ADAMTSL1: variants seen among roughly 807,000 people sequenced by gnomAD.
The protein encoded by ADAMTSL1 is ADAMTS like 1.
In ADAMTSL1, 126 loss-of-function variants were observed where a neutral mutation model predicts 201.8. That is an observed-to-expected ratio of 0.62 (90% CI 0.54 to 0.72). The LOEUF (loss-of-function observed/expected upper bound fraction) is 0.72. Among genes scored for constraint, ADAMTSL1 ranks in the 30% least tolerant of loss-of-function variants. The pLI, the probability that ADAMTSL1 is intolerant of heterozygous loss-of-function variation, is 0.00. For synonymous variants in ADAMTSL1, 1,121 were observed against 903.4 expected, an observed-to-expected ratio of 1.24 and a Z score of -4.32; for missense variants, 2,679 against 2,277.8, an observed-to-expected ratio of 1.18 and a Z score of -3.59.
intron 28 of ADAMTSL1, chr9:18,908,200 G>T: frequency 1.9e-6 from 1 of 538,996 alleles, no homozygotes. Context: ...AGACAGCCCA[G>T]GGAGGGGCCC....
At chr9:18,022,808 C>T (rs1308609486) in intron 1 of ADAMTSL1, among the ~76,000 whole-genome samples, 1 of 152,142 alleles carries the variant, frequency 6.6e-6, no homozygotes, top group African/African-American at 2.4e-5. Context: ...TTACTATTTA[C>T]TCTGAAAATA....
intron 2 of ADAMTSL1, among the ~76,000 whole-genome samples, chr9:18,518,069 C>T (rs1004988232): frequency 6.6e-6 from 1 of 152,128 alleles, no homozygotes; most frequent in Non-Finnish European, 1.5e-5. Flanking sequence ...TAACAGTACA[C>T]CAAGCATGTT....
At position 18,657,713 on chromosome 9, in the gene ADAMTSL1, G is replaced by T. The variant is rs1352340210; in HGVS notation, c.909G>T (p.Glu303Asp). 1 of 1,614,198 alleles carries T rather than the reference G, an allele frequency of 6.2e-7. No individual in the cohort carries two copies. The highest frequency in any genetic ancestry group is 8.5e-7 in the Non-Finnish European group (1 of 1,180,020). The change falls in exon 8 of 29, where the codon GAG (glutamate) becomes GAT (aspartate). Residue 303 changes from glutamate (E) to aspartate (D), a missense_variant. Coordinates refer to ENST00000380548, the MANE Select transcript of ADAMTSL1 (RefSeq NM_001040272.6). ...FYQPIIHRWRETDFFPCSATC... is the reference protein window; with the variant it reads ...FYQPIIHRWRDTDFFPCSATC... The stretch of plus-strand genomic sequence containing the variant: ...AACCCATCATCCACCGATGGAGGGA[G>T]ACGGATTTCTTTCCTTGCTCAGCAA...
At chr9:18,452,390 A>T (rs1208731327) in intron 2 of ADAMTSL1, among the ~76,000 whole-genome samples, 2 of 152,202 alleles carry the variant, frequency 1.3e-5, no homozygotes, top group Non-Finnish European at 2.9e-5. Flanking sequence ...AATACGTTCA[A>T]ACCATAGTAT....
chr9:18,467,810 G>A (rs2131734622), intron 2 of ADAMTSL1, among the ~76,000 whole-genome samples: 1 of 152,318 alleles, frequency 6.6e-6, no homozygotes, highest in South Asian at 2.1e-4. Context: ...GGGACTGGAA[G>A]CAGATCAGGG....
chr9:18,113,473 A>G (rs749741604), intron 1 of ADAMTSL1, among the ~76,000 whole-genome samples: 2 of 152,160 alleles, frequency 1.3e-5, no homozygotes, highest in Non-Finnish European at 2.9e-5. Flanking sequence ...GTCAAGGTCC[A>G]GGGTCCTGGC....
intron 4 of ADAMTSL1, 197 bp downstream of exon 4, chr9:18,574,463 AGAGTT>A (rs755366739): frequency 4.7e-6 from 3 of 632,152 alleles, no homozygotes; most frequent in Non-Finnish European, 8.5e-6. Context: ...AAAGTAGACT[AGAGTT>A]ATTTTTCTTT....
intron 13 of ADAMTSL1, among the ~76,000 whole-genome samples, chr9:18,689,340 A>G (rs1010471920): frequency 3.3e-5 from 5 of 152,288 alleles, no homozygotes; most frequent in East Asian, 1.9e-4. Context: ...AAATGATACA[A>G]TGATGATCCC....
chr9:18,012,298 T>C (rs1820084700), intron 1 of ADAMTSL1, among the ~76,000 whole-genome samples: 1 of 152,012 alleles, frequency 6.6e-6, no homozygotes, highest in Non-Finnish European at 1.5e-5. Context: ...AAGTTGCTGC[T>C]TTCCAGGGTT....
chr9:18,492,051 CA>C (rs992476960), intron 1 of ADAMTSL1, among the ~76,000 whole-genome samples: 6 of 152,068 alleles, frequency 3.9e-5, no homozygotes, highest in Admixed American at 3.9e-4. Flanking sequence ...TATACTAAGA[CA>C]ATAGTAACTG....
chr9:18,181,456 C>G (rs1828473221), intron 2 of ADAMTSL1, among the ~76,000 whole-genome samples: 1 of 151,792 alleles, frequency 6.6e-6, no homozygotes, highest in African/African-American at 2.4e-5. Flanking sequence ...AACAAACAAC[C>G]CGATCAAAAA....
chr9:17,997,595 G>A (rs1392425134), intron 1 of ADAMTSL1, among the ~76,000 whole-genome samples: 1 of 151,930 alleles, frequency 6.6e-6, no homozygotes, highest in Non-Finnish European at 1.5e-5. Flanking sequence ...TTCTCAGCAG[G>A]GCCCTCCACA....
chr9:17,989,469 T>TA (rs1303532865), intron 1 of ADAMTSL1, among the ~76,000 whole-genome samples: 10 of 151,992 alleles, frequency 6.6e-5, no homozygotes, highest in Non-Finnish European at 1.2e-4. Flanking sequence ...ACTGCATTGA[T>TA]AAAAAAATCA....
chr9:18,177,909 G>T (rs773818126), intron 2 of ADAMTSL1, among the ~76,000 whole-genome samples: 12 of 152,148 alleles, frequency 7.9e-5, no homozygotes, highest in Non-Finnish European at 1.8e-4. Flanking sequence ...AACAATAATT[G>T]AATAAAATCC....
intron 2 of ADAMTSL1, among the ~76,000 whole-genome samples, chr9:18,431,606 A>C (rs530684293): frequency 4.6e-5 from 7 of 152,282 alleles, no homozygotes; most frequent in Admixed American, 1.3e-4. Context: ...TCTTTGCTAC[A>C]TTCTTTGGCA....
intron 16 of ADAMTSL1, among the ~76,000 whole-genome samples, chr9:18,769,791 T>C (rs1218608037): frequency 3.9e-5 from 6 of 152,182 alleles, no homozygotes; most frequent in South Asian, 4.1e-4. Flanking sequence ...TCAAGGGAGA[T>C]TGACAAATAT....
At chr9:18,206,405 C>G (rs1829650680) in intron 2 of ADAMTSL1, among the ~76,000 whole-genome samples, 2 of 152,152 alleles carry the variant, frequency 1.3e-5, no homozygotes, top group South Asian at 4.1e-4. Context: ...CTCTCCCTAT[C>G]TCAAATTTCC....
intron 19 of ADAMTSL1, among the ~76,000 whole-genome samples, chr9:18,780,284 A>G (rs967688404): frequency 6.6e-6 from 1 of 152,138 alleles, no homozygotes; most frequent in African/African-American, 2.4e-5. Flanking sequence ...ACTGTACCAT[A>G]TCATCTGTGA....
At chr9:18,000,194 T>G (rs539801096) in intron 1 of ADAMTSL1, among the ~76,000 whole-genome samples, 90 of 151,212 alleles carry the variant, frequency 6.0e-4, no homozygotes, top group African/African-American at 1.8e-3. Flanking sequence ...ACTTCCACAA[T>G]GGTTGAACTA....
Sources: gnomAD v4.1 joint callset for allele counts (sites outside exome capture counted in the v4.1 genomes callset) on GRCh38, gnomAD v4.1.1 for gene constraint, MANE v1.5 for transcripts, NCBI Gene and HGNC (gene_info 2026-07-23, HGNC 2026-07-21) for gene names.